Variants in ACTL8 observed in about 807,000 individuals in gnomAD.
ACTL8 encodes actin-like protein 8.
A neutral mutation model predicts 9.3 loss-of-function variants in ACTL8; 3 were observed. That is an observed-to-expected ratio of 0.32 (90% CI 0.15 to 0.83). The LOEUF (loss-of-function observed/expected upper bound fraction) is 0.83. Among genes scored for constraint, ACTL8 ranks in the 40% least tolerant of loss-of-function variants. ACTL8 has a pLI of 0.57. For missense variants in ACTL8, 381 were observed against 492.2 expected (o/e 0.77, Z 2.14); for synonymous variants, 224 against 205.9 (o/e 1.09, Z -0.75).
chr1:17,826,303 G>A lies in ACTL8; in HGVS notation c.885G>A (p.Val295=). 1 of 1,611,158 alleles carries A rather than the reference G, an allele frequency of 6.2e-7. No homozygotes were observed. The highest frequency in any genetic ancestry group is 8.5e-7 in the Non-Finnish European group (1 of 1,177,660). The change falls in exon 3 of 3, where the codon GTG becomes GTA. Residue 295 remains valine, a synonymous_variant. Transcript: ENST00000375406. The surrounding 1 kb of genome is among the most constrained non-coding windows in gnomAD (Gnocchi z 4.5). Reference sequence around the variant, plus strand: ...TGCGCCCCCTGCTGGTCTCCCACGTGATGGCCTGCGGGGGCAACACCCTCT... The same window carrying A: ...TGCGCCCCCTGCTGGTCTCCCACGTAATGGCCTGCGGGGGCAACACCCTCT... The part of the protein sequence containing the change: ...ISLRPLLVSH[V]MACGGNTLYP...
At chr1:17,768,271 T>G (rs1341711388) in intron 1 of ACTL8, among the ~76,000 whole-genome samples, 1 of 85,798 alleles carries the variant, frequency 1.2e-5, no homozygotes, top group African/African-American at 3.0e-5. Context: ...TTGAGAATTT[T>G]GCAAGACTGG....
At chr1:17,777,554 C>T (rs1371285820) in intron 1 of ACTL8, among the ~76,000 whole-genome samples, 2 of 152,144 alleles carry the variant, frequency 1.3e-5, no homozygotes, top group Admixed American at 6.5e-5. Flanking sequence ...ATAGATTGGC[C>T]GTTGCTTACC....
At chr1:17,773,100 G>A (rs190909731) in intron 1 of ACTL8, among the ~76,000 whole-genome samples, 3 of 152,262 alleles carry the variant, frequency 2.0e-5, no homozygotes, top group East Asian at 1.9e-4. Flanking sequence ...GAAGCCCCTC[G>A]AGAAGATAGG....
intron 1 of ACTL8, among the ~76,000 whole-genome samples, chr1:17,783,360 TTTTTAA>T (rs1557433760): frequency 1.4e-4 from 17 of 122,664 alleles, no homozygotes; most frequent in African/African-American, 6.0e-4. Flanking sequence ...TTGTTTTTTT[TTTTTAA>T]AAAAACTCCA....
At chr1:17,776,918 G>A (rs2066122046) in intron 1 of ACTL8, among the ~76,000 whole-genome samples, 2 of 145,638 alleles carry the variant, frequency 1.4e-5, no homozygotes, top group Admixed American at 1.4e-4. Context: ...TCCCACCTCT[G>A]CCTCCTGAGT....
intron 1 of ACTL8, among the ~76,000 whole-genome samples, chr1:17,764,023 G>A (rs985527771): frequency 5.3e-5 from 8 of 152,024 alleles, no homozygotes; most frequent in African/African-American, 1.9e-4. Context: ...TCCCAGACAA[G>A]AATAGCAAAG....
At chr1:17,821,668 G>A (rs190195051) in intron 1 of ACTL8, among the ~76,000 whole-genome samples, 6 of 151,570 alleles carry the variant, frequency 4.0e-5, no homozygotes, top group Admixed American at 6.6e-5. Flanking sequence ...TCACTCTGTC[G>A]CCTAGTCTGG....
chr1:17,770,279 T>G (rs2066074313), intron 1 of ACTL8, among the ~76,000 whole-genome samples: 1 of 152,212 alleles, frequency 6.6e-6, no homozygotes, highest in Admixed American at 6.5e-5. Flanking sequence ...TTTTCTCTCC[T>G]CGTAGATTCA....
intron 1 of ACTL8, among the ~76,000 whole-genome samples, chr1:17,766,080 C>T (rs1489685256): frequency 6.6e-6 from 1 of 152,234 alleles, no homozygotes; most frequent in African/African-American, 2.4e-5. Context: ...CCCTGTGACA[C>T]TCCCAGCCCT....
In ACTL8 at chr1:17,825,943, C is replaced by T. The variant is rs1398903703; in HGVS notation, c.525C>T (p.Phe175=). Residue 175 remains phenylalanine, a synonymous_variant, in exon 3 of 3, where the codon TTC becomes TTT. Transcript: ENST00000375406. ...CCGCCAGCGGCAAGACGCTGGAGTT[C>T]GCCGGCCAGGATCTCTCCGCCTATC... ...PLPASGKTLE[F]AGQDLSAYLL... The T allele has an allele frequency of 2.5e-5, 40 of 1,611,472 alleles. No homozygotes were observed. The highest frequency in any genetic ancestry group is 6.7e-5 in the African/African-American group (5 of 75,066).
chr1:17,789,884 C>T (rs982125809), intron 1 of ACTL8, among the ~76,000 whole-genome samples: 1 of 152,210 alleles, frequency 6.6e-6, no homozygotes, highest in Non-Finnish European at 1.5e-5. Context: ...GGCACCTTTG[C>T]CTGAGTTTTG....
intron 1 of ACTL8, among the ~76,000 whole-genome samples, chr1:17,809,898 G>GT (rs2066383052): frequency 6.6e-6 from 1 of 152,080 alleles, no homozygotes; most frequent in Non-Finnish European, 1.5e-5. Flanking sequence ...CCTACTCCAG[G>GT]TCTGTGGAAA....
At chr1:17,776,967 T>C (rs994480122) in intron 1 of ACTL8, among the ~76,000 whole-genome samples, 1 of 122,322 alleles carries the variant, frequency 8.2e-6, no homozygotes, top group Non-Finnish European at 1.6e-5. Context: ...TCCTGGCTAA[T>C]GATTTTTTTT....
intron 1 of ACTL8, among the ~76,000 whole-genome samples, chr1:17,763,583 AT>A (rs1414399822): frequency 9.2e-5 from 14 of 152,044 alleles, no homozygotes; most frequent in African/African-American, 2.9e-4. Flanking sequence ...AGGGCTGCAG[AT>A]CCCCCTGCTG....
At chr1:17,793,293 C>T (rs1182802884) in intron 1 of ACTL8, among the ~76,000 whole-genome samples, 1 of 152,184 alleles carries the variant, frequency 6.6e-6, no homozygotes, top group Non-Finnish European at 1.5e-5. Context: ...ATCTGGAGCC[C>T]TCTTACTCTT....
At chr1:17,776,969 ATTTTT>A (rs765972298) in intron 1 of ACTL8, among the ~76,000 whole-genome samples, 609 of 50,300 alleles carry the variant, frequency 0.012, 2 homozygotes, top group East Asian at 0.04. Context: ...CTGGCTAATG[ATTTTT>A]TTTTTTTTTT....
At chr1:17,814,317 C>A (rs1361997107) in intron 1 of ACTL8, among the ~76,000 whole-genome samples, 1 of 152,212 alleles carries the variant, frequency 6.6e-6, no homozygotes, top group Non-Finnish European at 1.5e-5. Flanking sequence ...GACAACAGAG[C>A]AGACTCCATA....
At chr1:17,791,992 C>T (rs962365934) in intron 1 of ACTL8, among the ~76,000 whole-genome samples, 1 of 151,078 alleles carries the variant, frequency 6.6e-6, no homozygotes, top group Admixed American at 6.5e-5. Context: ...GGCTTGGGAT[C>T]CTGCCCCCCC....
chr1:17,764,522 C>A (rs2066030418), intron 1 of ACTL8, among the ~76,000 whole-genome samples: 2 of 152,120 alleles, frequency 1.3e-5, no homozygotes, highest in African/African-American at 4.8e-5. Flanking sequence ...GTCCTGGGTA[C>A]CCTTGGAGGT....
Sources: gnomAD v4.1 joint callset for allele counts (sites outside exome capture counted in the v4.1 genomes callset) on GRCh38, gnomAD v4.1.1 for gene constraint, Gnocchi (gnomAD v3.1) non-coding constraint, MANE v1.5 for transcripts, NCBI Gene and HGNC (gene_info 2026-07-23, HGNC 2026-07-21) for gene names.